The following CALN1 variants were observed in gnomAD, a reference collection of about 807,000 sequenced individuals.
CALN1 encodes calcium-binding protein 8.
CALN1 carries 17 observed loss-of-function variants against 30.6 expected under a neutral mutation model. The observed-to-expected ratio is 0.56, with a 90% CI of 0.38 to 0.83. The LOEUF is 0.83. Among genes scored for constraint, CALN1 ranks in the 40% least tolerant of loss-of-function variants. The pLI, the probability that CALN1 is intolerant of heterozygous loss-of-function variation, is 0.00. For synonymous variants in CALN1, 156 were observed against 131.4 expected, an observed-to-expected ratio of 1.19 and a Z score of -1.28; for missense variants, 291 against 354.9, an observed-to-expected ratio of 0.82 and a Z score of 1.45.
intron 2 of CALN1, among the ~76,000 whole-genome samples, chr7:72,308,362 T>G (rs973373590): frequency 1.3e-4 from 6 of 44,814 alleles, no homozygotes; most frequent in Admixed American, 7.5e-4. Flanking sequence ...AGATGCTGTC[T>G]GTGGGGGGGG....
intron 2 of CALN1, among the ~76,000 whole-genome samples, chr7:72,395,724 T>C (rs573120109): frequency 6.6e-5 from 10 of 152,220 alleles, no homozygotes; most frequent in African/African-American, 2.4e-4. Flanking sequence ...TAAGATCATT[T>C]GAAACTCCCA....
intron 5 of CALN1, among the ~76,000 whole-genome samples, chr7:71,928,772 C>T (rs982837326): frequency 4.5e-4 from 69 of 152,160 alleles, no homozygotes; most frequent in African/African-American, 1.6e-3. Context: ...TGGCTCATGC[C>T]TATAATATCA....
chr7:72,074,255 T>C (rs1584887334), intron 4 of CALN1, among the ~76,000 whole-genome samples: 1 of 152,180 alleles, frequency 6.6e-6, no homozygotes, highest in Admixed American at 6.5e-5. Context: ...AATATCATAT[T>C]GGACCCATGA....
intron 3 of CALN1, among the ~76,000 whole-genome samples, chr7:72,122,535 G>C (rs1808468183): frequency 6.6e-6 from 1 of 152,074 alleles, no homozygotes; most frequent in Non-Finnish European, 1.5e-5. Flanking sequence ...CCAGGAGTTC[G>C]AGACTAACCT....
intron 2 of CALN1, among the ~76,000 whole-genome samples, chr7:72,341,452 G>A (rs1465545033): frequency 1.3e-5 from 2 of 152,218 alleles, no homozygotes; most frequent in Non-Finnish European, 2.9e-5. Flanking sequence ...GAACCTGGGA[G>A]GCAGAGGTTG....
chr7:72,039,396 A>G (rs545032785), intron 4 of CALN1, among the ~76,000 whole-genome samples: 3 of 152,256 alleles, frequency 2.0e-5, no homozygotes, highest in South Asian at 2.1e-4. Context: ...CCTGTCTCAT[A>G]TCTTTCCCTG....
chr7:72,420,290 T>C (rs571581755), intron 1 of CALN1, among the ~76,000 whole-genome samples: 6 of 152,222 alleles, frequency 3.9e-5, no homozygotes, highest in African/African-American at 1.4e-4. Context: ...AAGTGGTCCA[T>C]CCTGCCTTGG....
chr7:72,210,085 C>T (rs910374438), intron 3 of CALN1, among the ~76,000 whole-genome samples: 3 of 152,152 alleles, frequency 2.0e-5, no homozygotes, highest in Non-Finnish European at 4.4e-5. Context: ...ATCACCTATC[C>T]CCTTTTGTCC....
intron 3 of CALN1, among the ~76,000 whole-genome samples, chr7:72,140,348 G>GAGGC (rs1407413301): frequency 1.9e-5 from 1 of 52,078 alleles, no homozygotes; most frequent in Admixed American, 1.9e-4. Context: ...GGAAGGGAGG[G>GAGGC]AGGGAGGGAG....
At chr7:72,275,162 C>A (rs1403738035) in intron 3 of CALN1, among the ~76,000 whole-genome samples, 1 of 151,908 alleles carries the variant, frequency 6.6e-6, no homozygotes, top group Non-Finnish European at 1.5e-5. Flanking sequence ...AGGATAGCAC[C>A]CAACTAATGC....
At chr7:72,314,058 C>G (rs1171091907) in intron 2 of CALN1, among the ~76,000 whole-genome samples, 1 of 152,154 alleles carries the variant, frequency 6.6e-6, no homozygotes, top group Non-Finnish European at 1.5e-5. Flanking sequence ...AGCCTGCAGG[C>G]CAGCCTTGGC....
At chr7:72,068,856 T>A (rs1804203410) in intron 4 of CALN1, among the ~76,000 whole-genome samples, 1 of 152,106 alleles carries the variant, frequency 6.6e-6, no homozygotes, top group African/African-American at 2.4e-5. Flanking sequence ...CACAAGATGA[T>A]TAAAGAAAAA....
intron 5 of CALN1, among the ~76,000 whole-genome samples, chr7:72,019,851 A>G (rs1584758351): frequency 6.6e-6 from 1 of 152,176 alleles, no homozygotes; most frequent in African/African-American, 2.4e-5. Context: ...ATTTTGGTGT[A>G]ATGTATTATG....
chr7:72,104,815 G>A (rs933905483), intron 4 of CALN1, among the ~76,000 whole-genome samples: 1 of 152,198 alleles, frequency 6.6e-6, no homozygotes, highest in Middle Eastern at 3.4e-3. Context: ...AAATTAGTCA[G>A]TTGTGGTGGT....
rs144444560 is a variant in CALN1 at position 72,440,769 on chromosome 7, G to A, written c.-226+6273C>T. On this transcript the variant is annotated intron_variant, in intron 1 of 6. Coordinates refer to the CALN1 transcript ENST00000395276. ...TTGAACCCAGGAGGCAGAGGTTGCA[G>A]TGAGCTGAGATCGCACCACTGCACT... 2.2e-4 allele frequency among the ~76,000 whole-genome samples: 33 copies of A among 152,332 alleles called. No homozygotes were observed. The East Asian group carries it at 6.4e-3, about 29-fold the overall frequency.
chr7:72,102,368 C>G (rs1247250228), intron 4 of CALN1, among the ~76,000 whole-genome samples: 1 of 152,102 alleles, frequency 6.6e-6, no homozygotes, highest in Non-Finnish European at 1.5e-5. Context: ...TAGCTTCAAT[C>G]TGGGAGATGG....
At chr7:72,397,642 C>CT (rs1278982930) in intron 2 of CALN1, among the ~76,000 whole-genome samples, 1 of 151,552 alleles carries the variant, frequency 6.6e-6, no homozygotes, top group East Asian at 1.9e-4. Context: ...ACATGAAGGT[C>CT]TACCAGTAGC....
chr7:72,110,206 A>G (rs1807464739), intron 3 of CALN1, among the ~76,000 whole-genome samples: 2 of 152,050 alleles, frequency 1.3e-5, no homozygotes, highest in Admixed American at 1.3e-4. Context: ...GCATCAACCT[A>G]CATCCTTACA....
At chr7:72,463,771 G>T in the CALN1 span, among the ~76,000 whole-genome samples, 6 of 151,882 alleles carry the variant, frequency 4.0e-5, no homozygotes, top group African/African-American at 1.5e-4. Context: ...CTGTTGCCCA[G>T]TCTGGTCTCA....
Sources: allele counts gnomAD v4.1 joint callset (sites outside exome capture counted in the v4.1 genomes callset), GRCh38; gene constraint gnomAD v4.1.1; transcripts MANE v1.5; gene names NCBI Gene and HGNC (gene_info 2026-07-23, HGNC 2026-07-21).